TENM3: variants seen among roughly 807,000 people sequenced by gnomAD.
TENM3 encodes the protein teneurin transmembrane protein 3.
A neutral mutation model predicts 255.1 loss-of-function variants in TENM3; 63 were observed. That is an observed-to-expected ratio of 0.25 (90% CI 0.20 to 0.30). The LOEUF is 0.30. Ranked by LOEUF, TENM3 falls within the 10% of genes least tolerant of loss-of-function variation. The probability of loss-of-function intolerance (pLI) is 1.00; values close to 1 mark genes in which losing one functional copy is unlikely to be tolerated. For synonymous variants in TENM3, 1,306 were observed against 1,322.3 expected (o/e 0.99, Z 0.27); for missense variants, 2,929 against 3,461.1 (o/e 0.85, Z 3.86).
At chr4:181,874,040 C>T in the TENM3 span, among the ~76,000 whole-genome samples, 82,410 of 151,894 alleles carry the variant, frequency 0.54, 23,170 homozygotes, top group Middle Eastern at 0.65. Flanking sequence ...GCCTTAGCCT[C>T]CCAAAGTGCT....
chr4:182,673,229 G>C lies in TENM3; in HGVS notation c.1326+10G>C, dbSNP rs1456259509. On this transcript the variant is annotated intron_variant, in intron 7 of 27. Transcript: ENST00000511685. ...GCCTTCCCATACTCAGGTAAGACTA[G>C]GCTTTCTTATCAATAAAATAAAAAC... 2 of 1,555,938 alleles carry C rather than the reference G, an allele frequency of 1.3e-6. No individual in the cohort carries two copies. The highest frequency in any genetic ancestry group is 1.8e-6 in the Non-Finnish European group (2 of 1,141,334).
chr4:181,857,301 A>G, the TENM3 span, among the ~76,000 whole-genome samples: 27 of 151,132 alleles, frequency 1.8e-4, no homozygotes, highest in East Asian at 4.1e-3. Context: ...TGAACAGTAA[A>G]TACAAAGACA....
the TENM3 span, among the ~76,000 whole-genome samples, chr4:181,852,707 T>C: frequency 1.3e-5 from 2 of 152,242 alleles, no homozygotes; most frequent in Non-Finnish European, 2.9e-5. Context: ...TATTAATATT[T>C]CAGCGCTTCG....
the TENM3 span, among the ~76,000 whole-genome samples, chr4:181,621,720 A>T: frequency 7.9e-5 from 12 of 152,188 alleles, no homozygotes; most frequent in Non-Finnish European, 1.8e-4. Context: ...GATATTAAAG[A>T]TAGGTTCGTG....
the TENM3 span, among the ~76,000 whole-genome samples, chr4:182,076,838 C>T: frequency 1.2e-4 from 19 of 152,262 alleles, no homozygotes; most frequent in Admixed American, 2.6e-4. Context: ...CACATAGGCA[C>T]GGCCATGTTC....
At chr4:181,762,071 C>T in the TENM3 span, among the ~76,000 whole-genome samples, 1 of 152,100 alleles carries the variant, frequency 6.6e-6, no homozygotes. Flanking sequence ...GCAGCACCAA[C>T]CACTCCGTCA....
chr4:182,106,987 C>G, the TENM3 span, among the ~76,000 whole-genome samples: 1 of 152,074 alleles, frequency 6.6e-6, no homozygotes, highest in African/African-American at 2.4e-5. Flanking sequence ...CCTCGGATTT[C>G]CCTGCTTACC....
the TENM3 span, among the ~76,000 whole-genome samples, chr4:181,738,521 CTT>C: frequency 4.6e-5 from 7 of 152,122 alleles, no homozygotes; most frequent in Non-Finnish European, 1.0e-4. Flanking sequence ...TGTACCTCTG[CTT>C]TTTCCAATGC....
chr4:181,605,480 G>GAAAGAAAGAA, the TENM3 span, among the ~76,000 whole-genome samples: 22 of 63,974 alleles, frequency 3.4e-4, no homozygotes, highest in African/African-American at 1.2e-3. Flanking sequence ...GAGAGAAACA[G>GAAAGAAAGAA]AGAAAGAAAG....
At chr4:182,065,035 C>CT in the TENM3 span, among the ~76,000 whole-genome samples, 1,067 of 130,016 alleles carry the variant, frequency 8.2e-3, 14 homozygotes, top group African/African-American at 0.029. Context: ...TAATTTCTTT[C>CT]TTTTTTTTTT....
intron 3 of TENM3, among the ~76,000 whole-genome samples, chr4:182,516,530 A>G (rs1049536739): frequency 1.3e-5 from 2 of 151,992 alleles, no homozygotes; most frequent in Non-Finnish European, 2.9e-5. Context: ...AGTTATTACG[A>G]ATTTTTTTTA....
chr4:182,086,042 C>G, the TENM3 span, among the ~76,000 whole-genome samples: 3 of 152,150 alleles, frequency 2.0e-5, no homozygotes, highest in African/African-American at 7.2e-5. Context: ...TAAATAGTTG[C>G]TCTTCCTTTG....
At chr4:182,374,797 G>A (rs1767067283) in intron 3 of TENM3, among the ~76,000 whole-genome samples, 3 of 152,092 alleles carry the variant, frequency 2.0e-5, no homozygotes, top group South Asian at 2.1e-4. Flanking sequence ...TTCATAAAAC[G>A]TCTTTGCACC....
At chr4:182,551,682 G>C (rs1311929018) in intron 3 of TENM3, among the ~76,000 whole-genome samples, 1 of 152,086 alleles carries the variant, frequency 6.6e-6, no homozygotes, top group East Asian at 1.9e-4. Flanking sequence ...AGTGGAATTT[G>C]ATAATTGTGT....
upstream of TENM3, among the ~76,000 whole-genome samples, chr4:182,242,270 C>T (rs1757330688): frequency 6.6e-6 from 1 of 151,960 alleles, no homozygotes; most frequent in African/African-American, 2.4e-5. Context: ...CAAGTGTTCT[C>T]ATTGTTCAGT....
intron 3 of TENM3, among the ~76,000 whole-genome samples, chr4:182,527,275 A>AAATTTC (rs1739297020): frequency 1.3e-5 from 2 of 152,130 alleles, no homozygotes; most frequent in Non-Finnish European, 2.9e-5. Flanking sequence ...TGAAATTGGG[A>AAATTTC]TGTATTTCCA....
At chr4:181,670,000 C>T in the TENM3 span, among the ~76,000 whole-genome samples, 1 of 152,160 alleles carries the variant, frequency 6.6e-6, no homozygotes, top group Non-Finnish European at 1.5e-5. Flanking sequence ...GGGCAGTTTA[C>T]AATTTCTAAT....
chr4:182,681,767 TATG>T (rs1325695971), intron 10 of TENM3, 44 bp from the exon 11 acceptor site: 1 of 1,406,110 alleles, frequency 7.1e-7, no homozygotes, highest in Non-Finnish European at 9.8e-7. Context: ...CTGCATGCAC[TATG>T]ATATCTTCTG....
the TENM3 span, among the ~76,000 whole-genome samples, chr4:181,799,938 A>G: frequency 1.3e-5 from 2 of 152,274 alleles, no homozygotes; most frequent in Admixed American, 6.5e-5. Flanking sequence ...GCGGATGAGT[A>G]GAGTGGTCTG....
Sources: allele counts gnomAD v4.1 joint callset (sites outside exome capture counted in the v4.1 genomes callset), GRCh38; gene constraint gnomAD v4.1.1; transcripts MANE v1.5; gene names NCBI Gene and HGNC (gene_info 2026-07-23, HGNC 2026-07-21).